ATP2A3: variants seen among roughly 807,000 people sequenced by gnomAD.
ATP2A3 encodes the protein sarcoplasmic/endoplasmic reticulum calcium ATPase 3.
A neutral mutation model predicts 106.8 loss-of-function variants in ATP2A3; 61 were observed. The ratio of observed to expected loss-of-function variants is 0.57; its 90% CI spans 0.46 to 0.71. ATP2A3 has a LOEUF of 0.71. Among genes scored for constraint, ATP2A3 ranks in the 30% least tolerant of loss-of-function variants. ATP2A3 has a pLI of 0.00. For missense variants in ATP2A3, 1,201 were observed against 1,423.5 expected (o/e 0.84, Z 2.52); for synonymous variants, 611 against 609.3 (o/e 1.00, Z -0.04).
In ATP2A3 at chr17:3,941,501, G is replaced by A. The variant is rs538823866; in HGVS notation, c.1699C>T (p.Arg567Trp). Residue 567 changes from arginine (R) to tryptophan (W), a missense_variant, in exon 13 of 21, where the codon CGG becomes TGG. By Grantham distance (101) the Arg-to-Trp change is moderately radical. Coordinates refer to ENST00000397041, the MANE Select transcript of ATP2A3 (RefSeq NM_005173.4). The stretch of plus-strand genomic sequence containing the variant: ...TCCTCCTTCCTTGGGGGCGCGTCCC[G>A]GGTGGCCAGTGCCAGGCAGCGCAGC... ...DTLRCLALAT[R>W]DAPPRKEDME... is the part of the protein sequence containing the mutation. 10 of 1,613,678 alleles carry A rather than the reference G, an allele frequency of 6.2e-6. No homozygotes were observed. The highest frequency in any genetic ancestry group is 2.2e-5 in the East Asian group (1 of 44,892).
chr17:3,961,329 C>T (rs1483073705), intron 1 of ATP2A3, among the ~76,000 whole-genome samples: 2 of 152,198 alleles, frequency 1.3e-5, no homozygotes, highest in East Asian at 3.8e-4. Flanking sequence ...CTCTGGGTAC[C>T]TCTGGCACCT....
chr17:3,937,020 T>G lies in ATP2A3; in HGVS notation c.2321+396A>C, dbSNP rs561041357. 1.8e-5 allele frequency: 6 copies of G among 342,838 alleles called. No homozygotes were observed. The East Asian group carries it at 4.4e-4, about 25-fold the overall frequency. 21.2% of individuals were successfully genotyped at this position (342,838 alleles called of 1,614,324 possible). A position where few individuals can be genotyped will look rare whatever the true frequency, so the allele number is the denominator to read the frequency against. ...TGCACCAGAGCACACATGCAAAATATACACATTACACACACCTCTCACTCA... is the reference window on the plus strand; with the variant it reads ...TGCACCAGAGCACACATGCAAAATAGACACATTACACACACCTCTCACTCA... On this transcript the variant is annotated intron_variant, in intron 15 of 20. Coordinates refer to ENST00000397041, the MANE Select transcript of ATP2A3 (RefSeq NM_005173.4).
At chr17:3,945,355 G>C (rs761847582) in intron 8 of ATP2A3, 1 of 506,000 alleles carries the variant, frequency 2.0e-6, no homozygotes, top group Non-Finnish European at 3.6e-6. Context: ...GTCCGGCTCC[G>C]GTTTGTCCCA....
At chr17:3,945,432 G>C in intron 8 of ATP2A3, 1 of 343,588 alleles carries the variant, frequency 2.9e-6, no homozygotes, top group Non-Finnish European at 5.4e-6. Flanking sequence ...GCCAGCTTGA[G>C]GGAGCCCTGA....
chr17:3,950,821 G>T, intron 5 of ATP2A3, 48 bp from the exon 6 acceptor site: 2 of 1,574,930 alleles, frequency 1.3e-6, no homozygotes, highest in Non-Finnish European at 1.7e-6. Flanking sequence ...GGCACCACCA[G>T]CTGGGAAAAG....
chr17:3,936,654 C>T lies in ATP2A3; in HGVS notation c.2322-185G>A, dbSNP rs2144378660. ...CAGCTCTGCCTCGGGCCTGGCCAGT[C>T]CTGCCTTCCCCAGTCCCAGCTCTGG... On this transcript the variant is annotated intron_variant, in intron 15 of 20. Coordinates refer to ENST00000397041, the MANE Select transcript of ATP2A3 (RefSeq NM_005173.4). This position sits in a 1 kb window ranked among gnomAD's most constrained non-coding sequence, Gnocchi z 5.4. 3.0e-6 allele frequency: 2 copies of T among 660,820 alleles called. No individual in the cohort carries two copies. Among genetic ancestry groups the T allele is most frequent in the African/African-American group, 1.8e-5 (1 of 56,228 alleles). The allele number at this position is 660,820 out of a possible 1,614,324, so 40.9% of individuals were successfully genotyped here. A position where few individuals can be genotyped will look rare whatever the true frequency, so the allele number is the denominator to read the frequency against.
In ATP2A3 at chr17:3,925,291, G is replaced by C. The variant is rs1470708175; in HGVS notation, c.*131C>G. ...CCGGGGATGGCCATTCTGACCTCGG[G>C]CCTGTCATTTATCCGGCGGGACCCG... On this transcript the variant is annotated 3_prime_UTR_variant, in exon 21 of 21. Transcript: ENST00000397041. The surrounding 1 kb of genome is among the most constrained non-coding windows in gnomAD (Gnocchi z 4.2). The C allele has an allele frequency of 1.3e-6, 2 of 1,511,328 alleles. No individual in the cohort carries two copies. Among genetic ancestry groups the C allele is most frequent in the Non-Finnish European group, 1.8e-6 (2 of 1,099,742 alleles). The allele number at this position is 1,511,328 out of a possible 1,614,324, so 93.6% of individuals were successfully genotyped here. A position where few individuals can be genotyped will look rare whatever the true frequency, so the allele number is the denominator to read the frequency against.
At position 3,940,956 on chromosome 17, in the gene ATP2A3, A is replaced by G. The variant is rs369640479; in HGVS notation, c.2100+15T>C. On this transcript the variant is annotated intron_variant, in intron 14 of 20. Coordinates refer to ENST00000397041, the MANE Select transcript of ATP2A3 (RefSeq NM_005173.4). Reference sequence around the variant, plus strand: ...ACTCATCACCCCCTCCTGGGGCTCCAGGCTGTGGCCTCACCATAGCAGTGA... The same window carrying G: ...ACTCATCACCCCCTCCTGGGGCTCCGGGCTGTGGCCTCACCATAGCAGTGA... 2.2e-4 allele frequency: 363 copies of G among 1,613,460 alleles called. No individual in the cohort carries two copies. The highest frequency in any genetic ancestry group is 3.0e-4 in the Non-Finnish European group (357 of 1,179,554).
rs1336042482 is a variant in ATP2A3 at position 3,955,787 on chromosome 17, C to T, written c.119-2077G>A. Among the ~76,000 whole-genome samples, 2 of 152,206 alleles carry T rather than the reference C, an allele frequency of 1.3e-5. No homozygotes were observed. The highest frequency in any genetic ancestry group is 2.9e-5 in the Non-Finnish European group (2 of 68,048). On this transcript the variant is annotated intron_variant, in intron 1 of 20. Coordinates refer to ENST00000397041, the MANE Select transcript of ATP2A3 (RefSeq NM_005173.4). The surrounding 1 kb of genome is among the most constrained non-coding windows in gnomAD (Gnocchi z 4.2). ...GAAGCGTGTCATGGGGTACACGTGC[C>T]AGCTCCAGTCCTGGACTTCCCCACA...
intron 5 of ATP2A3, 98 bp downstream of exon 5, chr17:3,951,153 A>G: frequency 9.2e-7 from 1 of 1,087,186 alleles, no homozygotes; most frequent in South Asian, 3.8e-5. Flanking sequence ...AGTCTGGGCA[A>G]CAGAGCACGA....
In ATP2A3 at chr17:3,928,502, C is replaced by A; in HGVS notation, c.2980+161G>T. On this transcript the variant is annotated intron_variant, in intron 20 of 20. Transcript: ENST00000397041. The surrounding 1 kb of genome is among the most constrained non-coding windows in gnomAD (Gnocchi z 6.1). Reference sequence around the variant, plus strand: ...ACCCTGCGGACACCTTGGGACCCAGCCACCAGAGCCCCTTCACACCCTCCA... The same window carrying A: ...ACCCTGCGGACACCTTGGGACCCAGACACCAGAGCCCCTTCACACCCTCCA... 1 of 938,972 alleles carries A rather than the reference C, an allele frequency of 1.1e-6. No homozygotes were observed. The highest frequency in any genetic ancestry group is 1.7e-6 in the Non-Finnish European group (1 of 603,870). The allele number at this position is 938,972 out of a possible 1,614,324, so 58.2% of individuals were successfully genotyped here.
intron 1 of ATP2A3, among the ~76,000 whole-genome samples, chr17:3,962,763 C>G (rs2144804289): frequency 6.6e-6 from 1 of 152,334 alleles, no homozygotes; most frequent in East Asian, 1.9e-4. Context: ...TTGTGTGATT[C>G]CAGGGACAGG....
Position 3,953,317 on chromosome 17 carries a change from C to T in ATP2A3, c.219+30G>A, listed in dbSNP as rs1330060621. The stretch of plus-strand genomic sequence containing the variant: ...GCTCTCCCTCCAGGGCTACCGACTA[C>T]CACAGGATGGCTGGCAGGGCCCTAC... On this transcript the variant is annotated intron_variant, in intron 3 of 20. Coordinates refer to ENST00000397041, the MANE Select transcript of ATP2A3 (RefSeq NM_005173.4). The surrounding 1 kb of genome is among the most constrained non-coding windows in gnomAD (Gnocchi z 5.1). The T allele has an allele frequency of 6.2e-7, 1 of 1,611,278 alleles. No homozygotes were observed. The highest frequency in any genetic ancestry group is 2.2e-5 in the East Asian group (1 of 44,866).
At chr17:3,945,001 GC>G (rs2054026042) in intron 9 of ATP2A3, 58 bp downstream of exon 9, 1 of 1,371,930 alleles carries the variant, frequency 7.3e-7, no homozygotes, top group African/African-American at 1.6e-5. Flanking sequence ...CCTCGGCGCC[GC>G]CACGCGTGGC....
Position 3,940,975 on chromosome 17 carries a change from G to A in ATP2A3, c.2096C>T (p.Ala699Val), listed in dbSNP as rs1239850489. ...GGCTCCAGGCTGTGGCCTCACCATA[G>A]CAGTGATCTCGTTAAAGGACTGCAG... ...ENLQSFNEIT[A>V]MTGDGVNDAP... Residue 699 changes from alanine to valine, a missense_variant, in exon 14 of 21, where the codon GCT (alanine) becomes GTT (valine). This residue lies in a region of ATP2A3 where 935 missense variants were observed against 1,176.7 expected (regional missense o/e 0.79). Coordinates refer to ENST00000397041, the MANE Select transcript of ATP2A3 (RefSeq NM_005173.4). 6.2e-7 allele frequency: 1 copy of A among 1,613,932 alleles called. No homozygotes were observed. The highest frequency in any genetic ancestry group is 8.5e-7 in the Non-Finnish European group (1 of 1,179,836).
At chr17:3,939,660 G>A (rs765121334) in intron 14 of ATP2A3, among the ~76,000 whole-genome samples, 35 of 151,518 alleles carry the variant, frequency 2.3e-4, no homozygotes, top group East Asian at 1.9e-4. Flanking sequence ...GGTGGTGCGC[G>A]CCTGTGGTCC....
rs1286520876 is a variant in ATP2A3, at chr17:3,941,198, T to A, written c.1873A>T (p.Thr625Ser). Residue 625 changes from threonine (T) to serine (S), a missense_variant, in exon 14 of 21, where the codon ACG becomes TCG. This residue lies in a region of ATP2A3 where 935 missense variants were observed against 1,176.7 expected (regional missense o/e 0.79). Coordinates refer to ENST00000397041, the MANE Select transcript of ATP2A3 (RefSeq NM_005173.4). Reference protein sequence around the residue: ...YQAGIRVVMITGDNKGTAVAI... With the variant: ...YQAGIRVVMISGDNKGTAVAI... ...ACGGCAGTGCCTTTGTTATCCCCCG[T>A]GATCATGACCACGCGGATGCCCGCC... 1.2e-6 allele frequency: 2 copies of A among 1,614,002 alleles called. No individual in the cohort carries two copies. The highest frequency in any genetic ancestry group is 1.7e-6 in the Non-Finnish European group (2 of 1,180,032).
rs2053994035 is a variant in ATP2A3, at chr17:3,944,775, G to A, written c.1216C>T (p.Gln406Ter). 6.2e-7 allele frequency: 1 copy of A among 1,612,482 alleles called. No individual in the cohort carries two copies. Among genetic ancestry groups the A allele is most frequent in the Non-Finnish European group, 8.5e-7 (1 of 1,179,482 alleles). Residue 406 changes from glutamine to a stop codon, truncating the protein, a stop_gained, in exon 10 of 21, where the codon CAG becomes TAG. Coordinates refer to ENST00000397041, the MANE Select transcript of ATP2A3 (RefSeq NM_005173.4). LOFTEE classifies it high-confidence loss of function. ...GCCAGCTCCACCAGCCCGTCGAACT[G>A]GCCGCAGCGCACAGGCTGATCCCCC... ...RQGDQPVRCG[Q>*]FDGLVELATI...
chr17:3,961,069 G>A (rs1177892633), intron 1 of ATP2A3, among the ~76,000 whole-genome samples: 1 of 152,238 alleles, frequency 6.6e-6, no homozygotes, highest in Admixed American at 6.5e-5. Context: ...GTCAAAGCAG[G>A]GACAAAGAGC....
Sources: allele counts gnomAD v4.1 joint callset (sites outside exome capture counted in the v4.1 genomes callset), GRCh38; gene constraint gnomAD v4.1.1; regional missense constraint gnomAD v4.1.1; non-coding constraint Gnocchi (gnomAD v3.1); transcripts MANE v1.5; gene names NCBI Gene and HGNC (gene_info 2026-07-23, HGNC 2026-07-21).